HEATR6: variants seen among roughly 807,000 people sequenced by gnomAD.
HEATR6 encodes the protein HEAT repeat-containing protein 6.
A neutral mutation model predicts 132.8 loss-of-function variants in HEATR6; 106 were observed. The ratio of observed to expected loss-of-function variants is 0.80; its 90% confidence interval spans 0.68 to 0.94. The LOEUF (loss-of-function observed/expected upper bound fraction) is 0.94, where lower values mean the gene tolerates loss of function less well. HEATR6 is among the 40% of genes least tolerant of loss of function. The pLI, the probability that HEATR6 is intolerant of heterozygous loss-of-function variation, is 0.00. For missense variants in HEATR6, 1,339 were observed against 1,425.1 expected (o/e 0.94, Z 0.97); for synonymous variants, 529 against 537.8 (o/e 0.98, Z 0.23).
intron 9 of HEATR6, among the ~76,000 whole-genome samples, chr17:60,061,541 T>C (rs753205178): frequency 6.6e-6 from 1 of 152,246 alleles, no homozygotes; most frequent in Non-Finnish European, 1.5e-5. Context: ...TTTTATATTT[T>C]AGACTTTGTG....
chr17:60,053,014 ATGGTT>A (rs898328881), intron 14 of HEATR6, among the ~76,000 whole-genome samples: 16 of 152,306 alleles, frequency 1.1e-4, no homozygotes, highest in Admixed American at 7.8e-4. Context: ...AGTGGCTGAT[ATGGTT>A]TGGATGTGTG....
At chr17:60,074,596 A>T (rs1266660797) in intron 2 of HEATR6, among the ~76,000 whole-genome samples, 1 of 152,246 alleles carries the variant, frequency 6.6e-6, no homozygotes, top group Non-Finnish European at 1.5e-5. Context: ...GTTACCTACT[A>T]GCATCCATTT....
rs781507354 is a variant in HEATR6, at chr17:60,056,222, C to T, written c.2095G>A (p.Ala699Thr). Residue 699 changes from alanine (A) to threonine (T), a missense_variant, in exon 13 of 20, where the codon GCA becomes ACA. Coordinates refer to ENST00000184956, the MANE Select transcript of HEATR6 (RefSeq NM_022070.5). ...LEALQVLTLL[A>T]RGYFSMTQAY... ...TGAGTCATTGAAAAGTAGCCCCTTGCCAGAAGAGTCAATACCTGCAAAGAG... is the reference window on the plus strand; with the variant it reads ...TGAGTCATTGAAAAGTAGCCCCTTGTCAGAAGAGTCAATACCTGCAAAGAG... The T allele has an allele frequency of 6.2e-7, 1 of 1,613,742 alleles. No homozygotes were observed. Among genetic ancestry groups the T allele is most frequent in the South Asian group, 1.1e-5 (1 of 91,044 alleles).
At position 60,043,852 on chromosome 17, in the gene HEATR6, G is replaced by A. The variant is rs533357378; in HGVS notation, c.3257C>T (p.Ser1086Leu). ...GGTTTCTTTCATACAAGGGAGGTCC[G>A]AGGCACTGGCCAAGCTCAAGAGGTG... ...LIHLLSLASA[S>L]DLPCMKETLE... The change falls in exon 20 of 20, where the codon TCG (serine) becomes TTG (leucine). Residue 1086 changes from serine (S) to leucine (L), a missense_variant. Coordinates refer to ENST00000184956, the MANE Select transcript of HEATR6 (RefSeq NM_022070.5). 4.3e-6 allele frequency: 7 copies of A among 1,614,156 alleles called. No homozygotes were observed. In the South Asian group the frequency reaches 4.4e-5, roughly 10 times the overall value.
rs764385587 is a variant in HEATR6 at position 60,057,211 on chromosome 17, G to A, written c.1916C>T (p.Thr639Met). Residue 639 changes from threonine to methionine, a missense_variant, in exon 12 of 20, where the codon ACG becomes ATG. Transcript: ENST00000184956. ...AGACCCCTTAGGTGAGCTAACTGAC[G>A]TTTCTTCCAGAGAGGGTCCTGCAGG... is the stretch of plus-strand genomic sequence containing the variant. Reference protein sequence around the residue: ...KAPAGPSLEETSVSSPKGSSE... With the variant: ...KAPAGPSLEEMSVSSPKGSSE... 8 of 1,614,064 alleles carry A rather than the reference G, an allele frequency of 5.0e-6. No individual in the cohort carries two copies. Among genetic ancestry groups the A allele is most frequent in the South Asian group, 4.4e-5 (4 of 91,090 alleles).
rs1906161170 is a variant in HEATR6, at chr17:60,041,117, T to G, written c.*2446A>C. Among the ~76,000 whole-genome samples the G allele has an allele frequency of 6.6e-6, 1 of 152,222 alleles. No individual in the cohort carries two copies. Among genetic ancestry groups the G allele is most frequent in the Non-Finnish European group, 1.5e-5 (1 of 68,034 alleles). On this transcript the variant is annotated 3_prime_UTR_variant, in exon 20 of 20. Coordinates refer to ENST00000184956, the MANE Select transcript of HEATR6 (RefSeq NM_022070.5). The stretch of plus-strand genomic sequence containing the variant: ...CCAGGCATATGAGGAGCTTCTGTCC[T>G]TTAGTGTATGTACACCCACAATGCT...
At position 60,067,550 on chromosome 17, in the gene HEATR6, A is replaced by T; in HGVS notation, c.1122T>A (p.Ser374Arg). The change falls in exon 8 of 20, where the codon AGT becomes AGA. Residue 374 changes from serine to arginine, a missense_variant. By Grantham distance (110) the Ser-to-Arg change is moderately radical. Transcript: ENST00000184956. ...AGACTCCATCTTTTTCTGCAGCTCCACTTCCATCTAAAGGCAAACTCTGGA... is the reference window on the plus strand; with the variant it reads ...AGACTCCATCTTTTTCTGCAGCTCCTCTTCCATCTAAAGGCAAACTCTGGA... ...LGVQSLPLDG[S>R]GAAEKDGVSS... 1.2e-6 allele frequency: 2 copies of T among 1,613,650 alleles called. No homozygotes were observed. The highest frequency in any genetic ancestry group is 1.7e-6 in the Non-Finnish European group (2 of 1,179,822).
Position 60,059,631 on chromosome 17 carries a change from G to T in HEATR6, c.1624-110C>A, listed in dbSNP as rs937500170. 9.6e-6 allele frequency: 7 copies of T among 728,532 alleles called. No individual in the cohort carries two copies. In the African/African-American group the frequency reaches 1.3e-4, roughly 13 times the overall value. The allele number at this position is 728,532 out of a possible 1,614,324, so 45.1% of individuals were successfully genotyped here. On this transcript the variant is annotated intron_variant, in intron 10 of 19. Transcript: ENST00000184956. ...AAAGTTTTCACACAACTAAAAATTA[G>T]CCCCCCTTTTTTTTAATAACACTTG...
At chr17:60,058,873 A>G (rs1906840954) in intron 11 of HEATR6, among the ~76,000 whole-genome samples, 1 of 152,250 alleles carries the variant, frequency 6.6e-6, no homozygotes, top group Non-Finnish European at 1.5e-5. Context: ...AGAAAGGCAA[A>G]TCTACAAAAG....
chr17:60,073,694 CAG>C (rs1422579485), intron 3 of HEATR6, 50 bp downstream of exon 3: 10 of 1,569,590 alleles, frequency 6.4e-6, no homozygotes, highest in Admixed American at 3.5e-5. Context: ...GTGTTGGCAC[CAG>C]AGTCTGTGCT....
At chr17:60,069,938 C>A in intron 6 of HEATR6, 90 bp from the exon 7 acceptor site, 1 of 1,470,292 alleles carries the variant, frequency 6.8e-7, no homozygotes. Flanking sequence ...GAACTATTTA[C>A]CATGTCTGGA....
intron 5 of HEATR6, 45 bp from the exon 6 acceptor site, chr17:60,070,852 G>T: frequency 1.9e-6 from 2 of 1,052,480 alleles, no homozygotes; most frequent in Non-Finnish European, 3.0e-6. Flanking sequence ...AATAAAATCT[G>T]GTTGTCCAGG....
intron 7 of HEATR6, among the ~76,000 whole-genome samples, chr17:60,068,179 C>T (rs189940379): frequency 2.6e-4 from 40 of 152,164 alleles, no homozygotes; most frequent in African/African-American, 8.4e-4. Flanking sequence ...ATCAGTTCTC[C>T]GAGTAAGATA....
Position 60,059,459 on chromosome 17 carries a change from T to C in HEATR6, c.1686A>G (p.Lys562=). Residue 562 remains lysine (K), a synonymous_variant, in exon 11 of 20, where the codon AAA becomes AAG. Coordinates refer to ENST00000184956, the MANE Select transcript of HEATR6 (RefSeq NM_022070.5). ...YDRLKLSLLT[K]VWNQIKPYIR... ...TATAAGGCTTTATCTGGTTCCAGACTTTGGTCAGCAGGCTGAGTTTTAGAC... is the reference window on the plus strand; with the variant it reads ...TATAAGGCTTTATCTGGTTCCAGACCTTGGTCAGCAGGCTGAGTTTTAGAC... 1 of 1,613,784 alleles carries C rather than the reference T, an allele frequency of 6.2e-7. No individual in the cohort carries two copies. Among genetic ancestry groups the C allele is most frequent in the Non-Finnish European group, 8.5e-7 (1 of 1,179,814 alleles).
intron 9 of HEATR6, chr17:60,064,590 T>TC (rs1192738063): frequency 1.3e-5 from 2 of 152,012 alleles, no homozygotes; most frequent in African/African-American, 4.8e-5. Flanking sequence ...AGGATGACTT[T>TC]TTTTTTTTTT....
Position 60,078,878 on chromosome 17 carries a change from C to T in HEATR6, c.37G>A (p.Val13Met). Residue 13 changes from valine (V) to methionine (M), a missense_variant, in exon 1 of 20, where the codon GTG becomes ATG. Coordinates refer to ENST00000184956, the MANE Select transcript of HEATR6 (RefSeq NM_022070.5). ...TCCCGCGGTGCCTCCCGCGGCTGCA[C>T]GGAAGGCCACGAACCGACAACTTGC... Reference protein sequence around the residue: ...AVQVVGSWPSVQPREAPREAI... With the variant: ...AVQVVGSWPSMQPREAPREAI... The T allele has an allele frequency of 6.3e-7, 1 of 1,586,798 alleles. No homozygotes were observed. Among genetic ancestry groups the T allele is most frequent in the Non-Finnish European group, 8.5e-7 (1 of 1,175,722 alleles).
At chr17:60,058,002 C>T (rs1906810649) in intron 11 of HEATR6, among the ~76,000 whole-genome samples, 1 of 152,164 alleles carries the variant, frequency 6.6e-6, no homozygotes, top group Non-Finnish European at 1.5e-5. Flanking sequence ...ATCACACTGT[C>T]TTAATTACTG....
At chr17:60,078,046 G>T (rs2083305032) in intron 1 of HEATR6, among the ~76,000 whole-genome samples, 1 of 152,148 alleles carries the variant, frequency 6.6e-6, no homozygotes, top group African/African-American at 2.4e-5. Flanking sequence ...TCATCTTTAG[G>T]AACTGTCTAG....
At chr17:60,069,939 C>T in intron 6 of HEATR6, 91 bp from the exon 7 acceptor site, 1 of 1,463,592 alleles carries the variant, frequency 6.8e-7, no homozygotes, top group East Asian at 2.3e-5. Flanking sequence ...AACTATTTAC[C>T]ATGTCTGGAT....
Sources: gnomAD v4.1 joint callset for allele counts (sites outside exome capture counted in the v4.1 genomes callset) on GRCh38, gnomAD v4.1.1 for gene constraint, MANE v1.5 for transcripts, NCBI Gene and HGNC (gene_info 2026-07-23, HGNC 2026-07-21) for gene names.